PLEKHA6: variants seen among roughly 807,000 people sequenced by gnomAD.
The protein encoded by PLEKHA6 is pleckstrin homology domain containing A6.
PLEKHA6 carries 60 observed loss-of-function variants against 116.7 expected under a neutral mutation model. That is an observed-to-expected ratio of 0.51 (90% confidence interval 0.42 to 0.64). PLEKHA6 has a LOEUF of 0.64. PLEKHA6 is among the 30% of genes least tolerant of loss of function. The probability of loss-of-function intolerance (pLI) is 0.00; values close to 1 mark genes in which losing one functional copy is unlikely to be tolerated. For missense variants in PLEKHA6, 1,338 were observed against 1,422.7 expected (o/e 0.94, Z 0.96); for synonymous variants, 489 against 556.1 (o/e 0.88, Z 1.70).
chr1:204,302,237 C>G (rs1022728349), intron 1 of PLEKHA6, among the ~76,000 whole-genome samples: 4 of 152,138 alleles, frequency 2.6e-5, no homozygotes, highest in African/African-American at 9.7e-5. Flanking sequence ...TTTCCAAGAC[C>G]ATGAAGCAAG....
intron 1 of PLEKHA6, among the ~76,000 whole-genome samples, chr1:204,358,962 A>G (rs566030297): frequency 2.5e-5 from 3 of 117,706 alleles, no homozygotes; most frequent in African/African-American, 1.0e-4. Context: ...AGCCCTCCTT[A>G]CCCTTCTCTG....
intron 6 of PLEKHA6, among the ~76,000 whole-genome samples, chr1:204,262,813 A>T (rs1666297759): frequency 1.3e-5 from 2 of 152,114 alleles, no homozygotes; most frequent in African/African-American, 2.4e-5. Context: ...TAGGTGTGGG[A>T]GAGGGCAGGG....
intron 1 of PLEKHA6, among the ~76,000 whole-genome samples, chr1:204,285,119 G>A (rs1055143665): frequency 6.6e-6 from 1 of 152,198 alleles, no homozygotes; most frequent in Non-Finnish European, 1.5e-5. Context: ...TACCATACGG[G>A]ACAGAATAGT....
At chr1:204,269,275 G>A (rs10793760) in intron 3 of PLEKHA6, among the ~76,000 whole-genome samples, 48,262 of 139,414 alleles carry the variant, frequency 0.35, 9,168 homozygotes, top group East Asian at 0.51. Flanking sequence ...CCCGGTTTTC[G>A]TTACTTCCCT....
chr1:204,351,586 GTACT>G (rs759583683), intron 1 of PLEKHA6, among the ~76,000 whole-genome samples: 27 of 152,184 alleles, frequency 1.8e-4, no homozygotes, highest in Non-Finnish European at 2.9e-4. Context: ...ATATTTTCTA[GTACT>G]TACTATGTGC....
chr1:204,342,906 TGTGGGTCAAGAGA>T (rs1391741892), intron 1 of PLEKHA6, among the ~76,000 whole-genome samples: 4 of 152,156 alleles, frequency 2.6e-5, no homozygotes, highest in African/African-American at 9.7e-5. Flanking sequence ...TTTAGCCCCG[TGTGGGTCAAGAGA>T]TTTTCCAAAT....
chr1:204,306,223 C>T (rs900992580), intron 1 of PLEKHA6, among the ~76,000 whole-genome samples: 2 of 152,186 alleles, frequency 1.3e-5, no homozygotes, highest in African/African-American at 2.4e-5. Context: ...ACCATTCCTG[C>T]GAGATCCTGC....
intron 1 of PLEKHA6, chr1:204,325,938 T>C (rs914058455): frequency 3.0e-6 from 3 of 983,908 alleles, no homozygotes; most frequent in Non-Finnish European, 3.6e-6. Flanking sequence ...CATTAACATA[T>C]AGACTGGGCT....
At chr1:204,267,033 C>T (rs1039904420) in intron 5 of PLEKHA6, among the ~76,000 whole-genome samples, 7 of 152,140 alleles carry the variant, frequency 4.6e-5, no homozygotes, top group Non-Finnish European at 1.0e-4. Flanking sequence ...CAGCAGTGAC[C>T]AACACTGACA....
chr1:204,269,325 C>T (rs965867481), intron 3 of PLEKHA6, among the ~76,000 whole-genome samples: 2 of 56,446 alleles, frequency 3.5e-5, no homozygotes, highest in Non-Finnish European at 8.6e-5. Context: ...CAACCCGGCT[C>T]TCAGAAACCT....
At chr1:204,233,281 C>A (rs1415536533) in intron 17 of PLEKHA6, among the ~76,000 whole-genome samples, 1 of 149,672 alleles carries the variant, frequency 6.7e-6, no homozygotes, top group Non-Finnish European at 1.5e-5. Context: ...CTCAGACAAT[C>A]TTCCAGCCTA....
At chr1:204,271,993 C>T (rs1423468216) in intron 3 of PLEKHA6, among the ~76,000 whole-genome samples, 1 of 152,148 alleles carries the variant, frequency 6.6e-6, no homozygotes, top group African/African-American at 2.4e-5. Flanking sequence ...TGGTGTGCTG[C>T]ACCCATTGAC....
intron 2 of PLEKHA6, among the ~76,000 whole-genome samples, chr1:204,370,611 C>A (rs556674980): frequency 6.6e-6 from 1 of 152,200 alleles, no homozygotes; most frequent in Non-Finnish European, 1.5e-5. Flanking sequence ...TTGTGTCCCA[C>A]CTTTCCCACT....
intron 1 of PLEKHA6, among the ~76,000 whole-genome samples, chr1:204,313,037 TCCCTCCC>T (rs1183529548): frequency 4.5e-4 from 60 of 134,164 alleles, no homozygotes; most frequent in South Asian, 1.0e-3. Context: ...TTCTTTTCTT[TCCCTCCC>T]TCTGTCCCTC....
At chr1:204,314,664 C>A (rs1414360458) in intron 1 of PLEKHA6, among the ~76,000 whole-genome samples, 1 of 152,212 alleles carries the variant, frequency 6.6e-6, no homozygotes, top group Non-Finnish European at 1.5e-5. Context: ...TCCTTAACTT[C>A]TTCTCCTGTG....
At chr1:204,353,169 AG>A (rs2103370266) in intron 1 of PLEKHA6, among the ~76,000 whole-genome samples, 1 of 152,328 alleles carries the variant, frequency 6.6e-6, no homozygotes, top group Admixed American at 6.5e-5. Flanking sequence ...CCAATCAAAA[AG>A]CAGTTACCAA....
intron 15 of PLEKHA6, 38 bp from the exon 16 acceptor site, chr1:204,241,852 T>G (rs766872148): frequency 1.2e-6 from 2 of 1,611,728 alleles, no homozygotes; most frequent in Non-Finnish European, 1.7e-6. Context: ...GATGTTAGTA[T>G]GGCTGTCAGG....
At chr1:204,360,902 T>G (rs1213698940), upstream of PLEKHA6, among the ~76,000 whole-genome samples, 8 of 152,218 alleles carry the variant, frequency 5.3e-5, no homozygotes, top group Non-Finnish European at 1.0e-4. Context: ...CTGCCTCAGT[T>G]TCCCTTTATC....
At position 204,228,961 on chromosome 1, in the gene PLEKHA6, A is replaced by T; in HGVS notation, c.2727T>A (p.His909Gln). The change falls in exon 19 of 23, where the codon CAT becomes CAA. Residue 909 changes from histidine (H) to glutamine (Q), a missense_variant. Physicochemically the swap from His to Gln is conservative, Grantham distance 24. Transcript: ENST00000272203. This position sits in a 1 kb window ranked among gnomAD's most constrained non-coding sequence, Gnocchi z 4.0. ...RLRKMELEPQ[H>Q]YDVDINKELS... ...CCTCCTTATTGATGTCCACGTCATA[A>T]TGCTGGGGCTCTAGCTCCATTTTGC... 1 of 1,614,094 alleles carries T rather than the reference A, an allele frequency of 6.2e-7. No homozygotes were observed.
Sources: allele counts gnomAD v4.1 joint callset (sites outside exome capture counted in the v4.1 genomes callset), GRCh38; gene constraint gnomAD v4.1.1; non-coding constraint Gnocchi (gnomAD v3.1); transcripts MANE v1.5; gene names NCBI Gene and HGNC (gene_info 2026-07-23, HGNC 2026-07-21).